The following CARMIL1 variants were observed in gnomAD, a reference collection of about 807,000 sequenced individuals.
CARMIL1 encodes the protein F-actin-uncapping protein LRRC16A.
In CARMIL1, 90 loss-of-function variants were observed where a neutral mutation model predicts 177.1. The observed-to-expected ratio is 0.51, with a 90% CI of 0.43 to 0.61. The LOEUF (loss-of-function observed/expected upper bound fraction) is 0.61. Among genes scored for constraint, CARMIL1 ranks in the 20% least tolerant of loss-of-function variants. CARMIL1 has a pLI of 0.00. For missense variants in CARMIL1, 1,380 were observed against 1,667.0 expected, an observed-to-expected ratio of 0.83 and a Z score of 3.00; for synonymous variants, 577 against 606.2, an observed-to-expected ratio of 0.95 and a Z score of 0.71.
chr6:25,571,320 A>T (rs1041858449), intron 29 of CARMIL1, among the ~76,000 whole-genome samples: 1 of 152,236 alleles, frequency 6.6e-6, no homozygotes, highest in South Asian at 2.1e-4. Context: ...ACACTGAAGT[A>T]TTAGAGAACC....
intron 2 of CARMIL1, among the ~76,000 whole-genome samples, chr6:25,352,969 T>C (rs2690059): frequency 0.85 from 129,385 of 152,042 alleles, 55,176 homozygotes; most frequent in South Asian, 0.89. Context: ...CTCCTGCCAC[T>C]ACCTGTTGTA....
chr6:25,458,243 C>T (rs1488220528), intron 8 of CARMIL1, among the ~76,000 whole-genome samples: 1 of 152,046 alleles, frequency 6.6e-6, no homozygotes, highest in African/African-American at 2.4e-5. Context: ...ATAGCCCCCA[C>T]ATATTAGCAG....
intron 3 of CARMIL1, among the ~76,000 whole-genome samples, chr6:25,426,196 T>G (rs529614214): frequency 6.6e-6 from 1 of 152,320 alleles, no homozygotes; most frequent in South Asian, 2.1e-4. Flanking sequence ...CTGTGATTGC[T>G]TTTGCACCAA....
intron 2 of CARMIL1, among the ~76,000 whole-genome samples, chr6:25,367,445 G>T (rs1789941440): frequency 6.6e-6 from 1 of 152,102 alleles, no homozygotes; most frequent in African/African-American, 2.4e-5. Context: ...GGAGCAGGAA[G>T]TGTGGGGGTT....
chr6:25,393,451 G>T (rs186515257), intron 2 of CARMIL1: 1 of 151,998 alleles, frequency 6.6e-6, no homozygotes, highest in Admixed American at 6.6e-5. Flanking sequence ...AGCTACTTGG[G>T]AGGCTGAGGC....
At chr6:25,565,418 T>C (rs1197032405) in intron 29 of CARMIL1, among the ~76,000 whole-genome samples, 1 of 152,188 alleles carries the variant, frequency 6.6e-6, no homozygotes, top group Non-Finnish European at 1.5e-5. Flanking sequence ...TAGTCAAGTC[T>C]GAATAAGGAG....
intron 5 of CARMIL1, among the ~76,000 whole-genome samples, chr6:25,436,694 T>C (rs1222928193): frequency 6.6e-6 from 1 of 151,938 alleles, no homozygotes; most frequent in Non-Finnish European, 1.5e-5. Flanking sequence ...TGGTGGGAGG[T>C]GGACACACCA....
intron 33 of CARMIL1, among the ~76,000 whole-genome samples, chr6:25,604,342 AG>A (rs1289990798): frequency 6.6e-6 from 1 of 152,190 alleles, no homozygotes; most frequent in Non-Finnish European, 1.5e-5. Context: ...AGTTTCCCAA[AG>A]TGCTGAGATA....
At chr6:25,372,473 A>G (rs1440514285) in intron 2 of CARMIL1, among the ~76,000 whole-genome samples, 3 of 151,884 alleles carry the variant, frequency 2.0e-5, no homozygotes, top group African/African-American at 7.3e-5. Context: ...TGTTAAGTAT[A>G]TTTCTAGGTA....
chr6:25,390,979 G>T (rs1026224082), intron 2 of CARMIL1, among the ~76,000 whole-genome samples: 2 of 152,238 alleles, frequency 1.3e-5, no homozygotes, highest in Non-Finnish European at 2.9e-5. Flanking sequence ...TGGAATTACA[G>T]GTGTGAGCCA....
intron 29 of CARMIL1, among the ~76,000 whole-genome samples, chr6:25,575,573 C>G (rs2151234011): frequency 6.6e-6 from 1 of 152,224 alleles, no homozygotes; most frequent in Admixed American, 6.5e-5. Flanking sequence ...TGTGTTAGGA[C>G]AGGGCAGGAG....
rs2150748552 is a variant in CARMIL1 at position 25,431,786 on chromosome 6, T to C, written c.250-3697T>C. Among the ~76,000 whole-genome samples the C allele has an allele frequency of 3.9e-5, 6 of 152,282 alleles. 1 individual carries two copies. The highest frequency in any genetic ancestry group is 3.9e-4 in the Admixed American group (6 of 15,286). On this transcript the variant is annotated intron_variant, in intron 4 of 36. Transcript: ENST00000329474. ...CAATATGCGTACCATTCAGAGGAAC[T>C]GTGTATAAAGCCGTCTGTCTCAGCC...
chr6:25,287,105 T>C (rs1458453585), intron 2 of CARMIL1, among the ~76,000 whole-genome samples: 1 of 152,232 alleles, frequency 6.6e-6, no homozygotes, highest in East Asian at 1.9e-4. Context: ...AACAAGAAGA[T>C]GTATGAAGTA....
intron 3 of CARMIL1, among the ~76,000 whole-genome samples, chr6:25,425,324 T>C (rs1343763681): frequency 6.6e-6 from 1 of 152,038 alleles, no homozygotes; most frequent in Non-Finnish European, 1.5e-5. Flanking sequence ...GATTCAGGGG[T>C]TTTCTGCCCA....
intron 35 of CARMIL1, among the ~76,000 whole-genome samples, chr6:25,609,523 G>A (rs1224345530): frequency 1.3e-5 from 2 of 150,144 alleles, no homozygotes; most frequent in African/African-American, 2.4e-5. Context: ...CATCTTTTTC[G>A]TTTTCAATCT....
intron 36 of CARMIL1, among the ~76,000 whole-genome samples, chr6:25,610,542 A>G (rs895122497): frequency 6.6e-6 from 1 of 152,136 alleles, no homozygotes; most frequent in African/African-American, 2.4e-5. Context: ...ATTATTTTCA[A>G]TGAAATCTTT....
intron 2 of CARMIL1, among the ~76,000 whole-genome samples, chr6:25,418,450 T>A (rs1386996050): frequency 2.0e-5 from 3 of 151,682 alleles, no homozygotes; most frequent in Non-Finnish European, 4.4e-5. Context: ...GCACTTGACC[T>A]CCCCGCACTC....
chr6:25,468,013 T>G (rs560633353), intron 9 of CARMIL1, among the ~76,000 whole-genome samples: 1 of 152,302 alleles, frequency 6.6e-6, no homozygotes, highest in African/African-American at 2.4e-5. Context: ...TCTTTGGATT[T>G]TGTAAACATG....
At chr6:25,581,517 G>C in intron 31 of CARMIL1, 78 bp downstream of exon 31, 10 of 1,324,800 alleles carry the variant, frequency 7.5e-6, no homozygotes, top group Non-Finnish European at 1.0e-5. Context: ...TCTTGCTAAA[G>C]TGCTTTGCAC....
Sources: gnomAD v4.1 joint callset for allele counts (sites outside exome capture counted in the v4.1 genomes callset) on GRCh38, gnomAD v4.1.1 for gene constraint, MANE v1.5 for transcripts, NCBI Gene and HGNC (gene_info 2026-07-23, HGNC 2026-07-21) for gene names.